Variants in NAA20 observed in about 807,000 individuals in gnomAD.
NAA20 encodes N-alpha-acetyltransferase 20.
In NAA20, 24 loss-of-function variants were observed where a neutral mutation model predicts 23.8. The ratio of observed to expected loss-of-function variants is 1.01; its 90% CI spans 0.73 to 1.42. The LOEUF (loss-of-function observed/expected upper bound fraction) is 1.42. Ranked by LOEUF, NAA20 falls within the 40% of genes most tolerant of loss-of-function variation. NAA20 has a pLI of 0.00. For synonymous variants in NAA20, 83 were observed against 77.7 expected (o/e 1.07, Z -0.36); for missense variants, 166 against 223.1 (o/e 0.74, Z 1.63).
rs752132968 is a variant in NAA20 at position 20,026,884 on chromosome 20, T to C, written c.270T>C (p.Ala90=). ...AATTTCGACGCCTTGGTTTGGCTGCTAAACTTATGGAGTTACTAGAGGAGA... is the reference window on the plus strand; with the variant it reads ...AATTTCGACGCCTTGGTTTGGCTGCCAAACTTATGGAGTTACTAGAGGAGA... The part of the protein sequence containing the change: ...APEFRRLGLA[A]KLMELLEEIS... Residue 90 remains alanine, a synonymous_variant, in exon 4 of 6, where the codon GCT becomes GCC. Transcript: ENST00000334982. 6.2e-6 allele frequency: 10 copies of C among 1,614,094 alleles called. No homozygotes were observed. Among genetic ancestry groups the C allele is most frequent in the African/African-American group, 1.3e-5 (1 of 74,932 alleles).
chr20:20,031,860 G>C (rs181906546), intron 4 of NAA20, among the ~76,000 whole-genome samples: 3 of 152,306 alleles, frequency 2.0e-5, no homozygotes, highest in Admixed American at 2.0e-4. Flanking sequence ...AAAAACATGT[G>C]ATGCACCAAG....
At chr20:20,027,997 T>G (rs923628830) in intron 4 of NAA20, among the ~76,000 whole-genome samples, 1 of 152,158 alleles carries the variant, frequency 6.6e-6, no homozygotes, top group Non-Finnish European at 1.5e-5. Context: ...TACTTAATTA[T>G]TAGATTTAAT....
At chr20:20,026,320 AT>A (rs1479148618) in intron 3 of NAA20, among the ~76,000 whole-genome samples, 3 of 151,826 alleles carry the variant, frequency 2.0e-5, no homozygotes, top group East Asian at 3.9e-4. Context: ...AAAAAAAAAA[AT>A]CTTTCATTCT....
intron 2 of NAA20, among the ~76,000 whole-genome samples, chr20:20,025,442 TTC>T (rs1200157939): frequency 6.6e-6 from 1 of 152,178 alleles, no homozygotes; most frequent in African/African-American, 2.4e-5. Flanking sequence ...ATTCTCTGCT[TTC>T]TATTAGACAG....
chr20:20,025,476 G>A (rs185143630), intron 2 of NAA20, among the ~76,000 whole-genome samples: 55 of 152,322 alleles, frequency 3.6e-4, no homozygotes, highest in African/African-American at 1.1e-3. Context: ...TTCCACACTT[G>A]AGGCTATATG....
chr20:20,024,889 G>C (rs1601127193), intron 2 of NAA20, among the ~76,000 whole-genome samples: 1 of 152,182 alleles, frequency 6.6e-6, no homozygotes, highest in Admixed American at 6.5e-5. Context: ...ATATATTTAT[G>C]TGTGATTGAT....
intron 1 of NAA20, 130 bp downstream of exon 1, chr20:20,017,579 C>T (rs1022849441): frequency 2.2e-6 from 3 of 1,358,876 alleles, no homozygotes; most frequent in Non-Finnish European, 9.7e-7. Context: ...GAACCACCCC[C>T]CGCCGGCCAA....
intron 1 of NAA20, chr20:20,018,219 TAAGAAAACA>T: frequency 1.5e-6 from 1 of 672,242 alleles, no homozygotes; most frequent in Non-Finnish European, 2.5e-6. Flanking sequence ...TTTTTTTTTT[TAAGAAAACA>T]TTTTATTATG....
chr20:20,024,500 A>G (rs1380408671), intron 2 of NAA20, among the ~76,000 whole-genome samples: 2 of 152,112 alleles, frequency 1.3e-5, no homozygotes, highest in African/African-American at 4.8e-5. Context: ...TGATATCACC[A>G]CTTTTAAGAT....
chr20:20,018,027 G>C, intron 1 of NAA20: 1 of 1,614,220 alleles, frequency 6.2e-7, no homozygotes, highest in South Asian at 1.1e-5. Context: ...TGCAGCAGAT[G>C]CTGTCTCAGT....
At chr20:20,022,301 T>G (rs1320585682) in intron 1 of NAA20, among the ~76,000 whole-genome samples, 155 bp from the exon 2 acceptor site, 1 of 152,222 alleles carries the variant, frequency 6.6e-6, no homozygotes, top group Non-Finnish European at 1.5e-5. Context: ...TTAGGTAGAT[T>G]AAATCATCTG....
At chr20:20,024,382 T>C (rs1223745658) in intron 2 of NAA20, among the ~76,000 whole-genome samples, 2 of 152,078 alleles carry the variant, frequency 1.3e-5, no homozygotes, top group African/African-American at 4.8e-5. Flanking sequence ...GCAGTAAAAA[T>C]TAACTTACAG....
In NAA20 at chr20:20,026,761, G is replaced by A. The variant is rs748068155; in HGVS notation, c.170-23G>A. 1.5e-5 allele frequency: 24 copies of A among 1,611,906 alleles called. No homozygotes were observed. In the South Asian group the frequency reaches 2.3e-4, roughly 16 times the overall value. On this transcript the variant is annotated intron_variant, in intron 3 of 5. Transcript: ENST00000334982. ...GTAAATCAATGTCTAGTTACTGAATGTGATTTTTGTTGTTGTTGGCAGTTA... is the reference window on the plus strand; with the variant it reads ...GTAAATCAATGTCTAGTTACTGAATATGATTTTTGTTGTTGTTGGCAGTTA...
At chr20:20,026,334 AC>A (rs746966596) in intron 3 of NAA20, among the ~76,000 whole-genome samples, 118 of 151,984 alleles carry the variant, frequency 7.8e-4, no homozygotes, top group Admixed American at 1.6e-3. Flanking sequence ...TTCATTCTAT[AC>A]TTTTGTTAAA....
chr20:20,019,011 A>C (rs1239515123), intron 1 of NAA20: 1 of 839,876 alleles, frequency 1.2e-6, no homozygotes, highest in African/African-American at 1.8e-5. Flanking sequence ...GTGGGTCTTA[A>C]CCCACCTGGA....
In NAA20 at chr20:20,032,813, A is replaced by C. The variant is rs551900255; in HGVS notation, c.451+160A>C. On this transcript the variant is annotated intron_variant, in intron 5 of 5. Transcript: ENST00000334982. ...ATCAACCTATTAGTAGTAGTAATTA[A>C]CTTACCTATTAACTAACCAATGGTT... 9.8e-5 allele frequency among the ~76,000 whole-genome samples: 15 copies of C among 152,304 alleles called. No homozygotes were observed. In the South Asian group the frequency reaches 3.1e-3, roughly 32 times the overall value.
intron 1 of NAA20, among the ~76,000 whole-genome samples, chr20:20,020,939 C>G (rs770929754): frequency 1.1e-4 from 16 of 149,894 alleles, no homozygotes; most frequent in Non-Finnish European, 2.1e-4. Context: ...GGAGGAGGGT[C>G]CCGAGTACTG....
intron 1 of NAA20, chr20:20,018,077 A>AC: frequency 6.2e-7 from 1 of 1,614,020 alleles, no homozygotes; most frequent in Non-Finnish European, 8.5e-7. Context: ...GTAGCTGCGC[A>AC]CCCCGGTGTA....
intron 2 of NAA20, among the ~76,000 whole-genome samples, chr20:20,022,912 G>A (rs540067797): frequency 2.0e-5 from 3 of 152,286 alleles, no homozygotes; most frequent in East Asian, 1.9e-4. Flanking sequence ...CAGGGTGGCC[G>A]TAACCTTGTT....
Sources: allele counts gnomAD v4.1 joint callset (sites outside exome capture counted in the v4.1 genomes callset), GRCh38; gene constraint gnomAD v4.1.1; transcripts MANE v1.5; gene names NCBI Gene and HGNC (gene_info 2026-07-23, HGNC 2026-07-21).